Variants in TRIM41 observed in about 807,000 individuals in gnomAD.
TRIM41 encodes the protein tripartite motif containing 41.
TRIM41 carries 21 observed loss-of-function variants against 60.6 expected under a neutral mutation model. The observed-to-expected ratio is 0.35, with a 90% CI of 0.25 to 0.50. TRIM41 has a LOEUF of 0.50. TRIM41 is among the 20% of genes least tolerant of loss of function. The pLI, the probability that TRIM41 is intolerant of heterozygous loss-of-function variation, is 0.98. For synonymous variants in TRIM41, 407 were observed against 344.9 expected (o/e 1.18, Z -2.00); for missense variants, 846 against 868.3 (o/e 0.97, Z 0.32).
At chr5:181,231,170 G>A (rs2113173697) in intron 2 of TRIM41, 2 of 313,066 alleles carry the variant, frequency 6.4e-6, no homozygotes, top group Admixed American at 8.0e-5. Flanking sequence ...CAGAGAAGCT[G>A]CCGGCCCCAG....
At chr5:181,227,496 AC>A (rs1386811668) in intron 1 of TRIM41, 2 of 151,854 alleles carry the variant, frequency 1.3e-5, no homozygotes, top group Non-Finnish European at 2.9e-5. Context: ...ACTACAGGCG[AC>A]TGCCACCACG....
Position 181,223,983 on chromosome 5 carries a change from GC to G in TRIM41, c.-16del. 1 of 1,601,698 alleles carries G rather than the reference GC, an allele frequency of 6.2e-7. No individual in the cohort carries two copies. The highest frequency in any genetic ancestry group is 8.5e-7 in the Non-Finnish European group (1 of 1,172,492). ...GCCCCCCCACCGAACCTCTACACTGGCTGGCTGGACACTAAGATGGCTGCCG... is the reference window on the plus strand; with the variant it reads ...GCCCCCCCACCGAACCTCTACACTGGTGGCTGGACACTAAGATGGCTGCCG... On this transcript the variant is annotated 5_prime_UTR_variant, in exon 1 of 6. Coordinates refer to ENST00000315073, the MANE Select transcript of TRIM41 (RefSeq NM_033549.5).
rs541488766 is a variant in TRIM41, at chr5:181,234,295, C to T, written c.1413C>T (p.Ala471=). The stretch of plus-strand genomic sequence containing the variant: ...CTGACCATCCCAAGCGCTTCTCGGC[C>T]GACTGCTGCGTACTGGGGGCCCAGG... ...EVADHPKRFS[A]DCCVLGAQGF... is the part of the protein sequence containing the mutation. The change falls in exon 6 of 6, where the codon GCC becomes GCT. Residue 471 remains alanine, a synonymous_variant. Coordinates refer to ENST00000315073, the MANE Select transcript of TRIM41 (RefSeq NM_033549.5). The surrounding 1 kb of genome is among the most constrained non-coding windows in gnomAD (Gnocchi z 5.6). 1.5e-4 allele frequency: 237 copies of T among 1,612,676 alleles called. No homozygotes were observed. Among genetic ancestry groups the T allele is most frequent in the East Asian group, 3.1e-4 (14 of 44,874 alleles).
intron 2 of TRIM41, 185 bp downstream of exon 2, chr5:181,231,024 A>G (rs1269981019): frequency 2.0e-6 from 1 of 493,820 alleles, no homozygotes; most frequent in Non-Finnish European, 3.8e-6. Flanking sequence ...AGGCATGTTC[A>G]TTCCTGGTTC....
chr5:181,232,502 G>A (rs1003971590), intron 2 of TRIM41, 157 bp from the exon 3 acceptor site: 10 of 675,010 alleles, frequency 1.5e-5, no homozygotes, highest in African/African-American at 1.5e-4. Flanking sequence ...GTGGTATCTG[G>A]TAAGGCTGGT....
rs1234965614 is a variant in TRIM41 at position 181,224,814 on chromosome 5, TGAGAGAAGTACA to T, written c.813+11_813+22del. The stretch of plus-strand genomic sequence containing the variant: ...GAGGAGGTGGTGCAGGAGTACAAGG[TGAGAGAAGTACA>T]GAGAGAAGATGGGAGTTTAGTGGGG... On this transcript the variant is annotated splice_donor_5th_base_variant and intron_variant, in intron 1 of 5. Transcript: ENST00000315073. 3 of 1,613,568 alleles carry T rather than the reference TGAGAGAAGTACA, an allele frequency of 1.9e-6. No homozygotes were observed. The highest frequency in any genetic ancestry group is 4.5e-5 in the East Asian group (2 of 44,864).
chr5:181,233,856 G>A lies in TRIM41; in HGVS notation c.1291+93G>A. 6.3e-7 allele frequency: 1 copy of A among 1,585,254 alleles called. No homozygotes were observed. The highest frequency in any genetic ancestry group is 1.1e-5 in the South Asian group (1 of 88,126). ...GAAGTTGGGCCCCAGGGAAACTGTG[G>A]GGCTTGAGATGGAGCAGGATCCAGG... On this transcript the variant is annotated intron_variant, in intron 5 of 5. Transcript: ENST00000315073. This position sits in a 1 kb window ranked among gnomAD's most constrained non-coding sequence, Gnocchi z 4.1.
chr5:181,226,319 G>C (rs1435515547), intron 1 of TRIM41: 2 of 152,220 alleles, frequency 1.3e-5, no homozygotes, highest in African/African-American at 2.4e-5. Flanking sequence ...TGGCCAGGCT[G>C]TTCTGAAATT....
At chr5:181,230,653 G>C in intron 1 of TRIM41, 91 bp from the exon 2 acceptor site, 1 of 996,196 alleles carries the variant, frequency 1.0e-6, no homozygotes, top group Non-Finnish European at 1.5e-6. Flanking sequence ...ATCAGGCTTT[G>C]ACCCATCTTG....
In TRIM41 at chr5:181,233,543, C is replaced by T. The variant is rs1678997558; in HGVS notation, c.1164-93C>T. The T allele has an allele frequency of 5.6e-6, 9 of 1,611,252 alleles. No individual in the cohort carries two copies. Among genetic ancestry groups the T allele is most frequent in the East Asian group, 2.2e-5 (1 of 44,876 alleles). Reference sequence around the variant, plus strand: ...CTTCCTTCCCCAGGACCTGAGTTTCCATCTCCTGGACCCTCCTCTCCTTCC... The same window carrying T: ...CTTCCTTCCCCAGGACCTGAGTTTCTATCTCCTGGACCCTCCTCTCCTTCC... On this transcript the variant is annotated intron_variant, in intron 4 of 5. Transcript: ENST00000315073. The surrounding 1 kb of genome is among the most constrained non-coding windows in gnomAD (Gnocchi z 4.1).
intron 1 of TRIM41, chr5:181,228,122 A>C (rs1040560601): frequency 1.3e-5 from 2 of 151,214 alleles, no homozygotes; most frequent in African/African-American, 4.9e-5. Context: ...AGTCCCAGCT[A>C]CTCGGGAGGC....
Position 181,232,803 on chromosome 5 carries a change from C to T in TRIM41, c.1054C>T (p.Arg352Cys), listed in dbSNP as rs750862212. 40 of 1,600,650 alleles carry T rather than the reference C, an allele frequency of 2.5e-5. No individual in the cohort carries two copies. Among genetic ancestry groups the T allele is most frequent in the East Asian group, 6.8e-5 (3 of 44,360 alleles). Residue 352 changes from arginine (R) to cysteine (C), a missense_variant, in exon 3 of 6, where the codon CGC becomes TGC. Physicochemically the swap from Arg to Cys is radical, Grantham distance 180 (BLOSUM62 -3). Coordinates refer to ENST00000315073, the MANE Select transcript of TRIM41 (RefSeq NM_033549.5). ...QLGRAGAAAS[R>C]LAEQAAQLSR... ...GGGGCGTGCGGGAGCCGCGGCTAGT[C>T]GCCTTGCAGAACAGGCCGCCCAGCT...
Position 181,223,454 on chromosome 5 carries a change from C to G in TRIM41, c.-546C>G, listed in dbSNP as rs1191194204. On this transcript the variant is annotated 5_prime_UTR_variant, in exon 1 of 6. Transcript: ENST00000315073. ...GATGGGGGTAGGCGGTTCCTCTGTT[C>G]TTTCTGCGTTCCCCGCGGCCTCTTA... is the stretch of plus-strand genomic sequence containing the variant. 4 of 401,694 alleles carry G rather than the reference C, an allele frequency of 1.0e-5. No homozygotes were observed. In the Admixed American group the frequency reaches 1.3e-4, roughly 13 times the overall value. The allele number at this position is 401,694 out of a possible 1,614,324, so 24.9% of individuals were successfully genotyped here. A position where few individuals can be genotyped will look rare whatever the true frequency, so the allele number is the denominator to read the frequency against.
rs73365903 is a variant in TRIM41 at position 181,224,184 on chromosome 5, A to G, written c.185A>G (p.Glu62Gly). The G allele has an allele frequency of 2.2e-3, 3,487 of 1,597,486 alleles. 58 individuals are homozygous for G. The African/African-American group carries it at 0.04, about 18-fold the overall frequency. The change falls in exon 1 of 6, where the codon GAG becomes GGG. Residue 62 changes from glutamate (E) to glycine (G), a missense_variant. By Grantham distance (98) the Glu-to-Gly change is moderately conservative. Transcript: ENST00000315073. The part of the protein sequence containing the change: ...DEEDRDELDR[E>G]EEEEDGEEEE... ...GAGGACAGAGATGAGTTAGATCGGG[A>G]GGAGGAGGAGGAGGACGGAGAGGAG... is the stretch of plus-strand genomic sequence containing the variant.
Position 181,224,158 on chromosome 5 carries a change from G to A in TRIM41, c.159G>A (p.Glu53=), listed in dbSNP as rs1273316699. The change falls in exon 1 of 6, where the codon GAG becomes GAA. Residue 53 remains glutamate (E), a synonymous_variant. Transcript: ENST00000315073. ...CCCAGTTGTGGGGTGGGGAGGATGA[G>A]GAGGACAGAGATGAGTTAGATCGGG... The part of the protein sequence containing the change: ...CVTQLWGGED[E]EDRDELDREE... The A allele has an allele frequency of 8.1e-6, 13 of 1,614,068 alleles. No homozygotes were observed. Among genetic ancestry groups the A allele is most frequent in the African/African-American group, 1.3e-5 (1 of 74,948 alleles).
Position 181,224,343 on chromosome 5 carries a change from C to G in TRIM41, c.344C>G (p.Ser115Cys). Residue 115 changes from serine to cysteine, a missense_variant, in exon 1 of 6, where the codon TCC becomes TGC. Physicochemically the swap from Ser to Cys is moderately radical, Grantham distance 112. Transcript: ENST00000315073. ...GVFWTSGMSR[S>C]SWDNMDYVWE... is the part of the protein sequence containing the mutation. ...TTCTGGACCAGTGGCATGAGCAGGT[C>G]CAGCTGGGACAACATGGACTATGTG... 6.2e-7 allele frequency: 1 copy of G among 1,612,892 alleles called. No individual in the cohort carries two copies. The highest frequency in any genetic ancestry group is 8.5e-7 in the Non-Finnish European group (1 of 1,179,826).
rs756465091 is a variant in TRIM41 at position 181,234,929 on chromosome 5, T to G, written c.*154T>G. ...GACCCCAGGCCCCTGCTTCTCCCTC[T>G]AGGAGCCTAAAGAACCCTCCTGGCC... On this transcript the variant is annotated 3_prime_UTR_variant, in exon 6 of 6. Transcript: ENST00000315073. The surrounding 1 kb of genome is among the most constrained non-coding windows in gnomAD (Gnocchi z 5.6). 6.2e-7 allele frequency: 1 copy of G among 1,613,778 alleles called. No individual in the cohort carries two copies. Among genetic ancestry groups the G allele is most frequent in the Non-Finnish European group, 8.5e-7 (1 of 1,179,966 alleles).
At chr5:181,229,333 CT>C (rs1362287395) in intron 1 of TRIM41, 1 of 152,264 alleles carries the variant, frequency 6.6e-6, no homozygotes, top group Non-Finnish European at 1.5e-5. Flanking sequence ...GAAAGCATGG[CT>C]TGCCTGAGGT....
Position 181,225,102 on chromosome 5 carries a change from T to C in TRIM41, c.813+290T>C, listed in dbSNP as rs139292026. ...TCTAGGGCTTTACCAGAAGTCTCGT[T>C]TTCTTTCGGGTGAGTCTTAAGTCTG... On this transcript the variant is annotated intron_variant, in intron 1 of 5. Transcript: ENST00000315073. 1.0e-4 allele frequency: 51 copies of C among 488,246 alleles called. 1 individual carries two copies. In the East Asian group the frequency reaches 1.8e-3, roughly 18 times the overall value. The allele number at this position is 488,246 out of a possible 1,614,324, so 30.2% of individuals were successfully genotyped here.
Sources: allele counts gnomAD v4.1 joint callset, GRCh38; gene constraint gnomAD v4.1.1; non-coding constraint Gnocchi (gnomAD v3.1); transcripts MANE v1.5; gene names NCBI Gene and HGNC (gene_info 2026-07-23, HGNC 2026-07-21).